The following DCPS variants were observed in gnomAD, a reference collection of about 807,000 sequenced individuals.
The protein encoded by DCPS is m7GpppX diphosphatase.
A neutral mutation model predicts 34.7 loss-of-function variants in DCPS; 27 were observed. The ratio of observed to expected loss-of-function variants is 0.78; its 90% CI spans 0.57 to 1.07. The LOEUF is 1.07. Among genes scored for constraint, DCPS ranks in the 50% least tolerant of loss-of-function variants. The pLI, the probability that DCPS is intolerant of heterozygous loss-of-function variation, is 0.00. For synonymous variants in DCPS, 185 were observed against 185.7 expected (o/e 1.00, Z 0.03); for missense variants, 464 against 436.9 (o/e 1.06, Z -0.55).
chr11:126,320,664 G>A lies in DCPS; in HGVS notation c.377-10741G>A, dbSNP rs1951699122. ...CAAAAAATACAAAAATTAGCCAGGTGTAGTGGTGTGTGCCTATAGTTCCAG... is the reference window on the plus strand; with the variant it reads ...CAAAAAATACAAAAATTAGCCAGGTATAGTGGTGTGTGCCTATAGTTCCAG... On this transcript the variant is annotated intron_variant, in intron 2 of 5. Transcript: ENST00000263579. This position sits in a 1 kb window ranked among gnomAD's most constrained non-coding sequence, Gnocchi z 4.7. 1.3e-5 allele frequency among the ~76,000 whole-genome samples: 2 copies of A among 152,006 alleles called. No individual in the cohort carries two copies. Among genetic ancestry groups the A allele is most frequent in the African/African-American group, 4.8e-5 (2 of 41,388 alleles).
chr11:126,326,759 T>TA (rs1236001759), intron 2 of DCPS, among the ~76,000 whole-genome samples: 1 of 151,984 alleles, frequency 6.6e-6, no homozygotes, highest in Non-Finnish European at 1.5e-5. Flanking sequence ...CTGTCTCTAC[T>TA]AAAAATACAA....
Position 126,332,572 on chromosome 11 carries a change from G to C in DCPS, c.522+1022G>C, listed in dbSNP as rs1442152504. Among the ~76,000 whole-genome samples, 3 of 152,326 alleles carry C rather than the reference G, an allele frequency of 2.0e-5. No homozygotes were observed. Among genetic ancestry groups the C allele is most frequent in the Non-Finnish European group, 4.4e-5 (3 of 68,024 alleles). On this transcript the variant is annotated intron_variant, in intron 3 of 5. Transcript: ENST00000263579. The surrounding 1 kb of genome is among the most constrained non-coding windows in gnomAD (Gnocchi z 5.4). ...CCTCCCTGGCCCAGAAGAAGGGAGG[G>C]TACGCTGTGTGTGTGGGCACTGCAA...
chr11:126,343,497 A>C, intron 5 of DCPS, 80 bp downstream of exon 5: 1 of 1,225,646 alleles, frequency 8.2e-7, no homozygotes, highest in Non-Finnish European at 1.2e-6. Context: ...CCCTTTCCTC[A>C]CCTTTCCCAG....
At position 126,331,893 on chromosome 11, in the gene DCPS, C is replaced by A. The variant is rs533536481; in HGVS notation, c.522+343C>A. ...AGAGAAGGCTTTGGGGGTGGGGGAA[C>A]TGATGCTGGTCTTGGTCCCACCTGA... On this transcript the variant is annotated intron_variant, in intron 3 of 5. Coordinates refer to ENST00000263579, the MANE Select transcript of DCPS (RefSeq NM_014026.6). The surrounding 1 kb of genome is among the most constrained non-coding windows in gnomAD (Gnocchi z 7.2). 6.6e-6 allele frequency among the ~76,000 whole-genome samples: 1 copy of A among 152,290 alleles called. No homozygotes were observed. Among genetic ancestry groups the A allele is most frequent in the East Asian group, 1.9e-4 (1 of 5,182 alleles).
In DCPS at chr11:126,337,549, T is replaced by C. The variant is rs1291369339; in HGVS notation, c.523-737T>C. ...TCTGCAGACTGTTGACAGCAGCTGA[T>C]CCAAGGGTGACACAAGGGCTGGGAG... On this transcript the variant is annotated intron_variant, in intron 3 of 5. Coordinates refer to ENST00000263579, the MANE Select transcript of DCPS (RefSeq NM_014026.6). The surrounding 1 kb of genome is among the most constrained non-coding windows in gnomAD (Gnocchi z 5.3). 6.6e-6 allele frequency: 1 copy of C among 152,278 alleles called. No individual in the cohort carries two copies. Among genetic ancestry groups the C allele is most frequent in the Non-Finnish European group, 1.5e-5 (1 of 68,194 alleles). The allele number at this position is 152,278 out of a possible 1,614,324, so 9.4% of individuals were successfully genotyped here.
intron 2 of DCPS, among the ~76,000 whole-genome samples, chr11:126,326,116 CA>C (rs1565375448): frequency 6.6e-6 from 1 of 152,108 alleles, no homozygotes; most frequent in East Asian, 1.9e-4. Context: ...GATTCCATCT[CA>C]AAAAATACAT....
rs899935927 is a variant in DCPS, at chr11:126,342,694, G to A, written c.637-613G>A. The stretch of plus-strand genomic sequence containing the variant: ...ACAGTAGAGCTACTTGCATACATGC[G>A]ATAAGACTGTAAACTCTCGGAGGGA... On this transcript the variant is annotated intron_variant, in intron 4 of 5. Transcript: ENST00000263579. This position sits in a 1 kb window ranked among gnomAD's most constrained non-coding sequence, Gnocchi z 4.4. 2.6e-5 allele frequency among the ~76,000 whole-genome samples: 4 copies of A among 151,982 alleles called. No homozygotes were observed. The highest frequency in any genetic ancestry group is 1.9e-4 in the East Asian group (1 of 5,178).
In DCPS at chr11:126,328,682, A is replaced by G. The variant is rs548918234; in HGVS notation, c.377-2723A>G. Among the ~76,000 whole-genome samples the G allele has an allele frequency of 3.4e-4, 51 of 152,110 alleles. No individual in the cohort carries two copies. Among genetic ancestry groups the G allele is most frequent in the Non-Finnish European group, 6.0e-4 (41 of 67,984 alleles). On this transcript the variant is annotated intron_variant, in intron 2 of 5. Coordinates refer to ENST00000263579, the MANE Select transcript of DCPS (RefSeq NM_014026.6). The surrounding 1 kb of genome is among the most constrained non-coding windows in gnomAD (Gnocchi z 6.6). Reference sequence around the variant, plus strand: ...CCGGCTGGGTGACCCTGCCCGCAGAACCCGGCTGCTCTCCAGCGCCCGCTC... The same window carrying G: ...CCGGCTGGGTGACCCTGCCCGCAGAGCCCGGCTGCTCTCCAGCGCCCGCTC...
In DCPS at chr11:126,319,244, G is replaced by A. The variant is rs955887342; in HGVS notation, c.377-12161G>A. ...GAGCTGCTGCCCTGAACTCCACCAG[G>A]CCCCTCTTCTGGGACTTCCCCCTTC... is the stretch of plus-strand genomic sequence containing the variant. On this transcript the variant is annotated intron_variant, in intron 2 of 5. Transcript: ENST00000263579. This position sits in a 1 kb window ranked among gnomAD's most constrained non-coding sequence, Gnocchi z 4.5. Among the ~76,000 whole-genome samples, 2 of 151,894 alleles carry A rather than the reference G, an allele frequency of 1.3e-5. No individual in the cohort carries two copies. Among genetic ancestry groups the A allele is most frequent in the Admixed American group, 6.6e-5 (1 of 15,234 alleles).
At position 126,345,070 on chromosome 11, in the gene DCPS, T is replaced by G. The variant is rs1951907289; in HGVS notation, c.748-277T>G. ...CAGCAACTGTTTGAGGAAGCCAGTGTTTTTTCCACGTTGGGGTGGGGAATG... is the reference window on the plus strand; with the variant it reads ...CAGCAACTGTTTGAGGAAGCCAGTGGTTTTTCCACGTTGGGGTGGGGAATG... On this transcript the variant is annotated intron_variant, in intron 5 of 5. Coordinates refer to ENST00000263579, the MANE Select transcript of DCPS (RefSeq NM_014026.6). The surrounding 1 kb of genome is among the most constrained non-coding windows in gnomAD (Gnocchi z 7.4). Among the ~76,000 whole-genome samples the G allele has an allele frequency of 6.6e-6, 1 of 152,206 alleles. No individual in the cohort carries two copies. Among genetic ancestry groups the G allele is most frequent in the South Asian group, 2.1e-4 (1 of 4,830 alleles).
intron 4 of DCPS, chr11:126,341,539 G>A (rs1184803955): frequency 6.6e-6 from 1 of 152,264 alleles, no homozygotes; most frequent in Non-Finnish European, 1.5e-5. Context: ...TTCTGTGCCA[G>A]TGGAGCAGAG....
chr11:126,338,035 G>C lies in DCPS; in HGVS notation c.523-251G>C. On this transcript the variant is annotated intron_variant, in intron 3 of 5. Coordinates refer to ENST00000263579, the MANE Select transcript of DCPS (RefSeq NM_014026.6). This position sits in a 1 kb window ranked among gnomAD's most constrained non-coding sequence, Gnocchi z 5.4. ...CCAGGAAGAGCCTGGCCCCTTCCAA[G>C]CTGCAGAGACCCTTGTGATGACGCA... The C allele has an allele frequency of 1.9e-6, 1 of 513,084 alleles. No homozygotes were observed. The highest frequency in any genetic ancestry group is 2.2e-5 in the South Asian group (1 of 46,444). The allele number at this position is 513,084 out of a possible 1,614,324, so 31.8% of individuals were successfully genotyped here. A position where few individuals can be genotyped will look rare whatever the true frequency, so the allele number is the denominator to read the frequency against.
intron 2 of DCPS, among the ~76,000 whole-genome samples, chr11:126,317,425 A>T (rs1437568695): frequency 2.7e-5 from 4 of 150,500 alleles, no homozygotes; most frequent in Non-Finnish European, 5.9e-5. Flanking sequence ...TTGAGGCCAA[A>T]TTGTGTTGAA....
chr11:126,346,728 C>A lies in DCPS; in HGVS notation c.*1115C>A, dbSNP rs1951933202. 6.6e-6 allele frequency among the ~76,000 whole-genome samples: 1 copy of A among 152,160 alleles called. No homozygotes were observed. Among genetic ancestry groups the A allele is most frequent in the Non-Finnish European group, 1.5e-5 (1 of 68,030 alleles). On this transcript the variant is annotated 3_prime_UTR_variant, in exon 6 of 6. Coordinates refer to ENST00000263579, the MANE Select transcript of DCPS (RefSeq NM_014026.6). This position sits in a 1 kb window ranked among gnomAD's most constrained non-coding sequence, Gnocchi z 4.1. ...GACAGCAGGGGGGAAGCTTGAGGCACAGTGGGTGGTCCTTACTCTCCATCC... is the reference window on the plus strand; with the variant it reads ...GACAGCAGGGGGGAAGCTTGAGGCAAAGTGGGTGGTCCTTACTCTCCATCC...
chr11:126,330,688 CATATATATATATATAT>C lies in DCPS; in HGVS notation c.377-700_377-685del, dbSNP rs766232318. On this transcript the variant is annotated intron_variant, in intron 2 of 5. Coordinates refer to ENST00000263579, the MANE Select transcript of DCPS (RefSeq NM_014026.6). ...TTAAGGGGACTACTGGGCTTTAAAC[CATATATATATATATAT>C]ATATATATATATATATTTTTTTTTT... Among the ~76,000 whole-genome samples, 240 of 31,594 alleles carry C rather than the reference CATATATATATATATAT, an allele frequency of 7.6e-3. 2 individuals are homozygous for C. The highest frequency in any genetic ancestry group is 0.01 in the Non-Finnish European group (193 of 19,136). 20.7% of individuals were successfully genotyped at this position (31,594 alleles called of 152,430 possible). A position where few individuals can be genotyped will look rare whatever the true frequency, so the allele number is the denominator to read the frequency against.
In DCPS at chr11:126,348,455, C is replaced by A. The variant is rs1321601959; in HGVS notation, c.*2842C>A. ...GGTTCCCCTTCAGAGCCAGCCAGTG[C>A]TCTGCTGCTGTAATCTCCAGGGACC... On this transcript the variant is annotated 3_prime_UTR_variant, in exon 6 of 6. Transcript: ENST00000263579. The surrounding 1 kb of genome is among the most constrained non-coding windows in gnomAD (Gnocchi z 5.3). 6.6e-6 allele frequency among the ~76,000 whole-genome samples: 1 copy of A among 152,266 alleles called. No individual in the cohort carries two copies. The highest frequency in any genetic ancestry group is 2.4e-5 in the African/African-American group (1 of 41,472).
Position 126,323,891 on chromosome 11 carries a change from C to T in DCPS, c.377-7514C>T, listed in dbSNP as rs953385948. ...TGTTGCCCAGACTAGAGTGCAGTGG[C>T]GCCATCTCGGCTCACCGCAACCTCT... On this transcript the variant is annotated intron_variant, in intron 2 of 5. Transcript: ENST00000263579. The surrounding 1 kb of genome is among the most constrained non-coding windows in gnomAD (Gnocchi z 4.4). Among the ~76,000 whole-genome samples the T allele has an allele frequency of 7.9e-5, 12 of 152,136 alleles. No individual in the cohort carries two copies. Among genetic ancestry groups the T allele is most frequent in the Non-Finnish European group, 1.0e-4 (7 of 68,012 alleles).
intron 2 of DCPS, among the ~76,000 whole-genome samples, chr11:126,316,881 C>G (rs927393250): frequency 4.0e-5 from 6 of 150,982 alleles, no homozygotes; most frequent in African/African-American, 1.5e-4. Flanking sequence ...GTCTTGAACT[C>G]CTGACCTCAG....
intron 2 of DCPS, among the ~76,000 whole-genome samples, chr11:126,324,202 ATGT>A (rs973881247): frequency 3.3e-5 from 5 of 152,168 alleles, no homozygotes; most frequent in African/African-American, 1.2e-4. Context: ...TTTTAGTATA[ATGT>A]TTAAATTTTA....
Sources: allele counts gnomAD v4.1 joint callset (sites outside exome capture counted in the v4.1 genomes callset), GRCh38; gene constraint gnomAD v4.1.1; non-coding constraint Gnocchi (gnomAD v3.1); transcripts MANE v1.5; gene names NCBI Gene and HGNC (gene_info 2026-07-23, HGNC 2026-07-21).